HSPA12A: variants seen among roughly 807,000 people sequenced by gnomAD.
HSPA12A encodes the protein heat shock protein family A (Hsp70) member 12A, also known as heat shock 70 kDa protein 12A.
HSPA12A carries 28 observed loss-of-function variants against 69.2 expected under a neutral mutation model. That is an observed-to-expected ratio of 0.40 (90% confidence interval 0.30 to 0.55). The LOEUF (loss-of-function observed/expected upper bound fraction) is 0.55, where lower values mean the gene tolerates loss of function less well. Ranked by LOEUF, HSPA12A falls within the 20% of genes least tolerant of loss-of-function variation. The pLI is 0.38. For missense variants in HSPA12A, 686 were observed against 900.7 expected (o/e 0.76, Z 3.05); for synonymous variants, 345 against 370.5 (o/e 0.93, Z 0.79).
upstream of HSPA12A, among the ~76,000 whole-genome samples, chr10:116,745,583 A>C (rs1554887748): frequency 6.6e-6 from 1 of 152,036 alleles, no homozygotes; most frequent in Non-Finnish European, 1.5e-5. Context: ...GAGCCAAGTG[A>C]CCACCTTCTA....
intron 2 of HSPA12A, among the ~76,000 whole-genome samples, chr10:116,752,105 C>T (rs71475006): frequency 9.8e-4 from 149 of 152,316 alleles, no homozygotes; most frequent in Non-Finnish European, 2.0e-3. Context: ...AAGAAGTCCA[C>T]ACTTATGTTG....
chr10:116,798,254 C>T (rs527483879), intron 2 of HSPA12A, among the ~76,000 whole-genome samples: 40 of 152,168 alleles, frequency 2.6e-4, no homozygotes, highest in Middle Eastern at 3.4e-3. Context: ...TTCTGGAAGC[C>T]GTCTAAGATG....
At chr10:116,839,876 C>A (rs1319950959) in intron 1 of HSPA12A, among the ~76,000 whole-genome samples, 2 of 151,590 alleles carry the variant, frequency 1.3e-5, no homozygotes, top group Non-Finnish European at 2.9e-5. Flanking sequence ...GATATACCAG[C>A]CAGGGTCTAG....
At chr10:116,762,273 G>A (rs1843988994) in intron 2 of HSPA12A, among the ~76,000 whole-genome samples, 1 of 152,158 alleles carries the variant, frequency 6.6e-6, no homozygotes, top group Non-Finnish European at 1.5e-5. Flanking sequence ...TTCCCACCTG[G>A]ATGACTGTCA....
chr10:116,825,045 G>A (rs917053828), intron 2 of HSPA12A, among the ~76,000 whole-genome samples: 3 of 151,724 alleles, frequency 2.0e-5, no homozygotes, highest in Non-Finnish European at 2.9e-5. Context: ...AAAATTAACC[G>A]GGTGTGGTGG....
rs1169620919 is a variant in HSPA12A, at chr10:116,710,540, CTCCCT to C, written c.41-3260_41-3256del. On this transcript the variant is annotated intron_variant, in intron 1 of 11. Coordinates refer to ENST00000369209, the MANE Select transcript of HSPA12A (RefSeq NM_025015.3). This position sits in a 1 kb window ranked among gnomAD's most constrained non-coding sequence, Gnocchi z 4.1. ...CAAGGATTTTTTGGTTCTGCTGTAC[CTCCCT>C]TCAACCCCACGGCAACTGGGCCAAT... 6.6e-6 allele frequency among the ~76,000 whole-genome samples: 1 copy of C among 152,112 alleles called. No homozygotes were observed.
chr10:116,747,617 T>C (rs1451594509), intron 2 of HSPA12A, among the ~76,000 whole-genome samples: 1 of 152,176 alleles, frequency 6.6e-6, no homozygotes, highest in Admixed American at 6.5e-5. Context: ...AAAACAACTT[T>C]CCTCTTCTCC....
At chr10:116,711,259 G>A (rs1235483620) in intron 1 of HSPA12A, among the ~76,000 whole-genome samples, 3 of 152,078 alleles carry the variant, frequency 2.0e-5, no homozygotes, top group African/African-American at 4.8e-5. Context: ...CTCACCCAGG[G>A]GATAGTCCAG....
intron 1 of HSPA12A, among the ~76,000 whole-genome samples, chr10:116,731,334 G>A (rs1851147062): frequency 6.6e-6 from 1 of 152,234 alleles, no homozygotes; most frequent in Admixed American, 6.5e-5. Flanking sequence ...CCAGGTCTAG[G>A]AGGGGAAAGT....
intron 7 of HSPA12A, among the ~76,000 whole-genome samples, chr10:116,682,489 C>A (rs1849442247): frequency 6.6e-6 from 1 of 151,768 alleles, no homozygotes; most frequent in Non-Finnish European, 1.5e-5. Flanking sequence ...CCAGCTGAAG[C>A]CAATATGCAT....
chr10:116,757,690 T>C (rs1843881713), intron 2 of HSPA12A, among the ~76,000 whole-genome samples: 1 of 152,214 alleles, frequency 6.6e-6, no homozygotes, highest in South Asian at 2.1e-4. Flanking sequence ...CTTGGTACCT[T>C]GGTTTGGTCA....
exon 1 of HSPA12A, chr10:116,849,620 G>A (rs1230062492): frequency 6.5e-7 from 1 of 1,550,252 alleles, no homozygotes; most frequent in South Asian, 1.2e-5. Flanking sequence ...AGCTGCAGAA[G>A]CTGAAGCAGC....
intron 2 of HSPA12A, among the ~76,000 whole-genome samples, chr10:116,798,301 C>T (rs567126694): frequency 9.9e-5 from 15 of 152,156 alleles, no homozygotes; most frequent in African/African-American, 3.4e-4. Context: ...CTTGGTTTGC[C>T]CAGGGTGGAG....
At chr10:116,779,392 G>A (rs973670235) in intron 2 of HSPA12A, among the ~76,000 whole-genome samples, 4 of 152,288 alleles carry the variant, frequency 2.6e-5, no homozygotes, top group Admixed American at 2.6e-4. Flanking sequence ...GACACGGTTG[G>A]GGAGATGAGG....
chr10:116,770,308 A>G (rs12359536), intron 2 of HSPA12A, among the ~76,000 whole-genome samples: 2,634 of 152,260 alleles, frequency 0.017, 36 homozygotes, highest in Admixed American at 0.037. Flanking sequence ...GGAAGCCCTC[A>G]GATGAAAGGC....
intron 2 of HSPA12A, among the ~76,000 whole-genome samples, chr10:116,802,285 C>T (rs1844974649): frequency 6.6e-6 from 1 of 152,178 alleles, no homozygotes. Context: ...CTCCTGTGCA[C>T]TCACCATAAG....
intron 1 of HSPA12A, among the ~76,000 whole-genome samples, chr10:116,711,017 T>TATAAAGGGTCA (rs34166640): frequency 6.6e-6 from 1 of 151,670 alleles, no homozygotes; most frequent in Non-Finnish European, 1.5e-5. Flanking sequence ...AGAAATAAAA[T>TATAAAGGGTCA]ACAGAATATT....
upstream of HSPA12A, among the ~76,000 whole-genome samples, chr10:116,745,250 T>C (rs1851623518): frequency 1.3e-5 from 2 of 152,214 alleles, no homozygotes; most frequent in Non-Finnish European, 2.9e-5. Flanking sequence ...CCTTGATGCT[T>C]GACTGGCTGA....
intron 1 of HSPA12A, among the ~76,000 whole-genome samples, chr10:116,837,031 G>A (rs888210086): frequency 6.6e-6 from 1 of 152,108 alleles, no homozygotes; most frequent in Non-Finnish European, 1.5e-5. Context: ...TGCCTTAATT[G>A]TTTAGGATTT....
Sources: allele counts gnomAD v4.1 joint callset (sites outside exome capture counted in the v4.1 genomes callset), GRCh38; gene constraint gnomAD v4.1.1; non-coding constraint Gnocchi (gnomAD v3.1); transcripts MANE v1.5; gene names NCBI Gene and HGNC (gene_info 2026-07-23, HGNC 2026-07-21).